The following TEP1 variants were observed in gnomAD, a reference collection of about 807,000 sequenced individuals.
TEP1 encodes telomerase associated protein 1, also known as telomerase protein component 1.
TEP1 carries 241 observed loss-of-function variants against 306.3 expected under a neutral mutation model. The observed-to-expected ratio is 0.79, with a 90% CI of 0.71 to 0.88. The LOEUF is 0.88. Ranked by LOEUF, TEP1 falls within the 40% of genes least tolerant of loss-of-function variation. The pLI is 0.00. For missense variants in TEP1, 3,051 were observed against 3,276.1 expected, an observed-to-expected ratio of 0.93 and a Z score of 1.68; for synonymous variants, 1,289 against 1,305.5, an observed-to-expected ratio of 0.99 and a Z score of 0.27.
chr14:20,385,222 C>T lies in TEP1; in HGVS notation c.2983-113G>A. 2.2e-6 allele frequency: 3 copies of T among 1,337,690 alleles called. No individual in the cohort carries two copies. In the South Asian group the frequency reaches 4.1e-5, roughly 18 times the overall value. 82.9% of individuals were successfully genotyped at this position (1,337,690 alleles called of 1,614,324 possible). ...TCTGATGTTCCTCTCTCCTTCCCTC[C>T]AGGCACAAGCAATAAAATATAGCTA... On this transcript the variant is annotated intron_variant, in intron 20 of 54. Transcript: ENST00000262715.
At position 20,373,100 on chromosome 14, in the gene TEP1, A is replaced by G; in HGVS notation, c.6862T>C (p.Trp2288Arg). 1 of 1,614,218 alleles carries G rather than the reference A, an allele frequency of 6.2e-7. No individual in the cohort carries two copies. Among genetic ancestry groups the G allele is most frequent in the Non-Finnish European group, 8.5e-7 (1 of 1,180,034 alleles). The change falls in exon 48 of 55, where the codon TGG (tryptophan) becomes CGG (arginine). Residue 2288 changes from tryptophan to arginine, a missense_variant. Coordinates refer to ENST00000262715, the MANE Select transcript of TEP1 (RefSeq NM_007110.5). ...RSSAAVTAVAWAPDGSMAVSG... is the reference protein window; with the variant it reads ...RSSAAVTAVARAPDGSMAVSG... Reference sequence around the variant, plus strand: ...ACTGCCATGGAACCATCTGGTGCCCAAGCCACAGCAGTGACGGCTGCAGAA... The same window carrying G: ...ACTGCCATGGAACCATCTGGTGCCCGAGCCACAGCAGTGACGGCTGCAGAA...
chr14:20,369,380 C>CTCACTATCCATGCTGGCA lies in TEP1; in HGVS notation c.7602_7619dup (p.Asp2534_Ser2539dup), dbSNP rs770542657. ...GCCGTGTCTTTAGATGTGGTGTTGG[C>CTCACTATCCATGCTGGCA]TCACTATCCATGCTGGCATCACTAT... is the stretch of plus-strand genomic sequence containing the variant. On this transcript the variant is annotated inframe_insertion, in exon 53 of 55. Coordinates refer to ENST00000262715, the MANE Select transcript of TEP1 (RefSeq NM_007110.5). The CTCACTATCCATGCTGGCA allele has an allele frequency of 7.3e-5, 118 of 1,614,202 alleles. 1 individual carries two copies. The South Asian group carries it at 7.5e-4, about 10-fold the overall frequency.
At chr14:20,383,118 C>G (rs1312962392) in intron 27 of TEP1, 56 bp downstream of exon 27, 3 of 1,524,798 alleles carry the variant, frequency 2.0e-6, no homozygotes, top group African/African-American at 1.4e-5. Flanking sequence ...CACCCCAGGT[C>G]CTCATAGCTC....
Position 20,383,698 on chromosome 14 carries a change from G to A in TEP1, c.3710+45C>T, listed in dbSNP as rs1419326520. On this transcript the variant is annotated intron_variant, in intron 25 of 54. Coordinates refer to ENST00000262715, the MANE Select transcript of TEP1 (RefSeq NM_007110.5). The stretch of plus-strand genomic sequence containing the variant: ...TGGGAGAGAAAAAAAAAGCAGGGGT[G>A]GTACGTGGGCATCAACAAGGCTGGG... The A allele has an allele frequency of 2.5e-6, 4 of 1,607,478 alleles. No individual in the cohort carries two copies. In the South Asian group the frequency reaches 4.4e-5, roughly 18 times the overall value.
chr14:20,373,109 C>T lies in TEP1; in HGVS notation c.6853G>A (p.Ala2285Thr), dbSNP rs756659720. The T allele has an allele frequency of 4.3e-6, 7 of 1,614,224 alleles. No homozygotes were observed. The highest frequency in any genetic ancestry group is 5.9e-6 in the Non-Finnish European group (7 of 1,180,046). ...CIPRSSAAVT[A>T]VAWAPDGSMA... ...GAACCATCTGGTGCCCAAGCCACAG[C>T]AGTGACGGCTGCAGAACTCCTTGGT... The change falls in exon 48 of 55, where the codon GCT becomes ACT. Residue 2285 changes from alanine (A) to threonine (T), a missense_variant. By Grantham distance (58) the Ala-to-Thr change is moderately conservative (BLOSUM62 0). This residue lies in a region of TEP1 where 1,540 missense variants were observed against 1,705.9 expected (regional missense o/e 0.90). Transcript: ENST00000262715.
At position 20,383,763 on chromosome 14, in the gene TEP1, A is replaced by C; in HGVS notation, c.3690T>G (p.Gly1230=). The C allele has an allele frequency of 6.2e-7, 1 of 1,611,626 alleles. No individual in the cohort carries two copies. Among genetic ancestry groups the C allele is most frequent in the East Asian group, 2.2e-5 (1 of 44,814 alleles). Residue 1230 remains glycine, a synonymous_variant, in exon 25 of 55, where the codon GGT becomes GGG. Coordinates refer to ENST00000262715, the MANE Select transcript of TEP1 (RefSeq NM_007110.5). ...TYLRGQLKEP[G]ALPSTYRSLV... is the part of the protein sequence containing the mutation. ...CCCACCGGTAGGTGCTGGGGAGGGCACCTGGCTCTTTTAGTTGGCCACGCA... is the reference window on the plus strand; with the variant it reads ...CCCACCGGTAGGTGCTGGGGAGGGCCCCTGGCTCTTTTAGTTGGCCACGCA...
intron 4 of TEP1, 74 bp downstream of exon 4, chr14:20,405,377 C>CACA: frequency 1.3e-6 from 2 of 1,567,410 alleles, no homozygotes; most frequent in Non-Finnish European, 8.7e-7. Context: ...CTAGTCACCA[C>CACA]CCCGCCACAC....
chr14:20,387,368 G>A (rs1185589412), intron 18 of TEP1, among the ~76,000 whole-genome samples: 3 of 150,034 alleles, frequency 2.0e-5, no homozygotes, highest in South Asian at 4.2e-4. Flanking sequence ...CCAACATGAC[G>A]AAACCCTGTC....
In TEP1 at chr14:20,395,510, A is replaced by G. The variant is rs1329582752; in HGVS notation, c.1868T>C (p.Met623Thr). The change falls in exon 12 of 55, where the codon ATG becomes ACG. Residue 623 changes from methionine (M) to threonine (T), a missense_variant. By Grantham distance (81) the Met-to-Thr change is moderately conservative. This residue lies in a region of TEP1 where 1,507 missense variants were observed against 1,550.5 expected (regional missense o/e 0.97). Coordinates refer to ENST00000262715, the MANE Select transcript of TEP1 (RefSeq NM_007110.5). Reference protein sequence around the residue: ...HLSRQQLRMAMRIPVLYEQLK... With the variant: ...HLSRQQLRMATRIPVLYEQLK... ...CTGCTCATACAACACAGGTATCCTC[A>G]TTGCCATCCGAAGCTGCTGACGGCT... 3 of 1,613,674 alleles carry G rather than the reference A, an allele frequency of 1.9e-6. No homozygotes were observed. The highest frequency in any genetic ancestry group is 2.5e-6 in the Non-Finnish European group (3 of 1,179,796).
chr14:20,389,169 G>A (rs914518475), intron 17 of TEP1, 69 bp downstream of exon 17: 230 of 1,387,768 alleles, frequency 1.7e-4, no homozygotes, highest in Non-Finnish European at 2.2e-4. Context: ...AAAGTGACTG[G>A]AGTAGAGATA....
chr14:20,395,164 C>T (rs946432740), intron 12 of TEP1, among the ~76,000 whole-genome samples: 7 of 152,188 alleles, frequency 4.6e-5, no homozygotes, highest in Non-Finnish European at 1.0e-4. Flanking sequence ...CACCAGCATA[C>T]ACCACCATAC....
chr14:20,380,915 C>G lies in TEP1; in HGVS notation c.4762+16G>C. ...CCCATATCTCAGAGAAGAACCCAGC[C>G]AGTGACTCATCTCACCATAGAGGGC... is the stretch of plus-strand genomic sequence containing the variant. On this transcript the variant is annotated intron_variant, in intron 33 of 54. Transcript: ENST00000262715. The G allele has an allele frequency of 6.2e-7, 1 of 1,605,062 alleles. No homozygotes were observed. The highest frequency in any genetic ancestry group is 8.5e-7 in the Non-Finnish European group (1 of 1,171,942).
Position 20,381,746 on chromosome 14 carries a change from G to A in TEP1, c.4425-60C>T, listed in dbSNP as rs1399644005. 1.3e-6 allele frequency: 2 copies of A among 1,539,406 alleles called. No individual in the cohort carries two copies. Among genetic ancestry groups the A allele is most frequent in the East Asian group, 2.3e-5 (1 of 44,288 alleles). Reference sequence around the variant, plus strand: ...AAGAGGCCTGTCAGTGAGCTTCCTGGCACACAGTGGGCTCCTATTCCCCCC... The same window carrying A: ...AAGAGGCCTGTCAGTGAGCTTCCTGACACACAGTGGGCTCCTATTCCCCCC... On this transcript the variant is annotated intron_variant, in intron 30 of 54. Transcript: ENST00000262715. The surrounding 1 kb of genome is among the most constrained non-coding windows in gnomAD (Gnocchi z 4.0).
Position 20,382,733 on chromosome 14 carries a change from T to A in TEP1, c.4048-18A>T, listed in dbSNP as rs754063643. On this transcript the variant is annotated intron_variant, in intron 27 of 54. Coordinates refer to ENST00000262715, the MANE Select transcript of TEP1 (RefSeq NM_007110.5). ...AGTCGCATCTGGCAAGACTCAGGACTCAGGGTGGGGTCCAGGAGGGCTGCC... is the reference window on the plus strand; with the variant it reads ...AGTCGCATCTGGCAAGACTCAGGACACAGGGTGGGGTCCAGGAGGGCTGCC... 6.8e-6 allele frequency: 11 copies of A among 1,613,358 alleles called. No homozygotes were observed. The Admixed American group carries it at 1.3e-4, about 20-fold the overall frequency.
In TEP1 at chr14:20,407,973, C is replaced by T; in HGVS notation, c.467G>A (p.Ser156Asn). 1 of 1,614,198 alleles carries T rather than the reference C, an allele frequency of 6.2e-7. No individual in the cohort carries two copies. The highest frequency in any genetic ancestry group is 1.3e-5 in the African/African-American group (1 of 75,048). Residue 156 changes from serine (S) to asparagine (N), a missense_variant, in exon 2 of 55, where the codon AGT becomes AAT. Around this residue, in one of 3 missense-constraint regions of TEP1, gnomAD observed 1,507 missense variants for 1,550.5 expected, o/e 0.97. Coordinates refer to ENST00000262715, the MANE Select transcript of TEP1 (RefSeq NM_007110.5). ...NSNCLLSEPP[S>N]WRAQHFSKGL... Reference sequence around the variant, plus strand: ...CTTAGAGAAATGCTGAGCCCTCCAACTTGGAGGCTCAGAGAGCAGGCAATT... The same window carrying T: ...CTTAGAGAAATGCTGAGCCCTCCAATTTGGAGGCTCAGAGAGCAGGCAATT...
Position 20,395,723 on chromosome 14 carries a change from G to A in TEP1, c.1751-96C>T, listed in dbSNP as rs557868347. 1,300 of 1,504,326 alleles carry A rather than the reference G, an allele frequency of 8.6e-4. 2 individuals carry two copies. The highest frequency in any genetic ancestry group is 1.1e-3 in the Non-Finnish European group (1,205 of 1,101,714). 93.2% of individuals were successfully genotyped at this position (1,504,326 alleles called of 1,614,324 possible). On this transcript the variant is annotated intron_variant, in intron 11 of 54. Transcript: ENST00000262715. Reference sequence around the variant, plus strand: ...ACCTGAGCCCCAACCCTTGGGGCTGGCAAGTGCCTGACCTCTGCCCCCCAC... The same window carrying A: ...ACCTGAGCCCCAACCCTTGGGGCTGACAAGTGCCTGACCTCTGCCCCCCAC...
intron 7 of TEP1, among the ~76,000 whole-genome samples, chr14:20,402,432 G>T (rs546227059): frequency 6.6e-6 from 1 of 152,108 alleles, no homozygotes; most frequent in East Asian, 1.9e-4. Flanking sequence ...CTGAGAAAGC[G>T]TTTTTTCTTA....
rs73585168 is a variant in TEP1, at chr14:20,373,400, C to T, written c.6684G>A (p.Val2228=). Residue 2228 remains valine (V), a splice_region_variant and synonymous_variant, in exon 47 of 55, where the codon GTG becomes GTA. Coordinates refer to ENST00000262715, the MANE Select transcript of TEP1 (RefSeq NM_007110.5). ...GTCCCAGGAGGGTGTGGGTTTGGCA[C>T]ACCTAGGAGGAAGGGATGGAGATGG... ...GATRLWHPLL[V]CQTHTLLGHS... is the part of the protein sequence containing the mutation. 8.7e-6 allele frequency: 14 copies of T among 1,614,110 alleles called. No individual in the cohort carries two copies. The African/African-American group carries it at 1.5e-4, about 17-fold the overall frequency.
intron 5 of TEP1, among the ~76,000 whole-genome samples, 168 bp downstream of exon 5, chr14:20,404,443 C>T (rs901483849): frequency 1.3e-5 from 2 of 151,878 alleles, no homozygotes; most frequent in Middle Eastern, 3.4e-3. Context: ...TCACATTCTC[C>T]ATGCTGGACA....
Sources: allele counts gnomAD v4.1 joint callset (sites outside exome capture counted in the v4.1 genomes callset), GRCh38; gene constraint gnomAD v4.1.1; regional missense constraint gnomAD v4.1.1; non-coding constraint Gnocchi (gnomAD v3.1); transcripts MANE v1.5; gene names NCBI Gene and HGNC (gene_info 2026-07-23, HGNC 2026-07-21).